ZFHX3: variants seen among roughly 807,000 people sequenced by gnomAD.
ZFHX3 encodes the protein zinc finger homeobox protein 3.
A neutral mutation model predicts 279.1 loss-of-function variants in ZFHX3; 42 were observed. The observed-to-expected ratio is 0.15, with a 90% CI of 0.12 to 0.19. The LOEUF (loss-of-function observed/expected upper bound fraction) is 0.19. ZFHX3 is among the 10% of genes least tolerant of loss of function. The pLI is 1.00. For synonymous variants in ZFHX3, 2,293 were observed against 1,957.8 expected, an observed-to-expected ratio of 1.17 and a Z score of -4.52; for missense variants, 4,981 against 4,754.0, an observed-to-expected ratio of 1.05 and a Z score of -1.40.
chr16:73,631,066 C>G (rs907352593), intron 2 of ZFHX3, among the ~76,000 whole-genome samples: 1 of 152,138 alleles, frequency 6.6e-6, no homozygotes, highest in Non-Finnish European at 1.5e-5. Flanking sequence ...TAAGAAACCA[C>G]AGGCCTGATT....
Position 73,315,926 on chromosome 16 carries a change from C to A in ZFHX3, c.-1194+2314G>T, listed in dbSNP as rs115963114. On this transcript the variant is annotated intron_variant, in intron 4 of 17. Coordinates refer to the ZFHX3 transcript ENST00000641206. ...TGCTACTAAAGTAGGCAATGCTCAG[C>A]CTGAAAGTCAAGGATACACAAGACG... Among the ~76,000 whole-genome samples the A allele has an allele frequency of 3.7e-3, 557 of 152,288 alleles. 1 individual carries two copies. The highest frequency in any genetic ancestry group is 0.013 in the African/African-American group (524 of 41,562).
intron 4 of ZFHX3, among the ~76,000 whole-genome samples, chr16:72,875,300 TG>T (rs972397609): frequency 3.3e-5 from 5 of 152,224 alleles, no homozygotes; most frequent in Non-Finnish European, 7.3e-5. Context: ...GGGCAGAAAC[TG>T]GGCTCTGGAT....
At chr16:73,202,440 T>C (rs1430695887) in intron 5 of ZFHX3, among the ~76,000 whole-genome samples, 1 of 152,224 alleles carries the variant, frequency 6.6e-6, no homozygotes, top group Non-Finnish European at 1.5e-5. Context: ...TCAAAGAGTT[T>C]CTGTACTAAG....
chr16:72,873,927 G>A (rs528177463), intron 4 of ZFHX3, among the ~76,000 whole-genome samples: 4 of 152,174 alleles, frequency 2.6e-5, no homozygotes, highest in African/African-American at 7.2e-5. Flanking sequence ...TTTAAAAGGC[G>A]TATGGCTGAT....
At chr16:73,685,526 T>C (rs953984598) in intron 1 of ZFHX3, among the ~76,000 whole-genome samples, 1 of 152,202 alleles carries the variant, frequency 6.6e-6, no homozygotes, top group African/African-American at 2.4e-5. Context: ...CCAACCTCTT[T>C]ATTGTAGCCC....
intron 2 of ZFHX3, among the ~76,000 whole-genome samples, chr16:73,478,264 C>CA (rs1162656010): frequency 0.17 from 10,347 of 61,050 alleles, 884 homozygotes; most frequent in African/African-American, 0.25. Context: ...GACTCCATCT[C>CA]AAAAAAAAAA....
chr16:73,796,727 G>C (rs1448049663), intron 1 of ZFHX3, among the ~76,000 whole-genome samples: 1 of 152,190 alleles, frequency 6.6e-6, no homozygotes, highest in Admixed American at 6.5e-5. Flanking sequence ...TCCAGATAAT[G>C]CATGCTTCGG....
chr16:72,828,788 G>A (rs747951128), intron 5 of ZFHX3, among the ~76,000 whole-genome samples: 10 of 151,482 alleles, frequency 6.6e-5, no homozygotes, highest in Non-Finnish European at 1.3e-4. Flanking sequence ...CTGCAGCTTC[G>A]ACCTCCCTGG....
intron 4 of ZFHX3, among the ~76,000 whole-genome samples, chr16:73,287,234 G>T (rs1450065759): frequency 1.3e-5 from 2 of 148,888 alleles, no homozygotes; most frequent in African/African-American, 5.0e-5. Flanking sequence ...TGGCTGTGTG[G>T]GTCAGTGTAT....
intron 4 of ZFHX3, among the ~76,000 whole-genome samples, chr16:73,289,866 A>T (rs985313886): frequency 6.6e-6 from 1 of 152,126 alleles, no homozygotes; most frequent in Non-Finnish European, 1.5e-5. Context: ...GTTGGGTGGG[A>T]TGTCCACACC....
intron 3 of ZFHX3, among the ~76,000 whole-genome samples, chr16:73,439,058 A>T (rs78515121): frequency 3.3e-5 from 5 of 152,166 alleles, no homozygotes; most frequent in Admixed American, 2.6e-4. Flanking sequence ...ACAGGATACA[A>T]CCTGGGGGGT....
intron 2 of ZFHX3, among the ~76,000 whole-genome samples, chr16:73,579,992 A>G (rs2051843043): frequency 6.8e-6 from 1 of 148,070 alleles, no homozygotes; most frequent in Admixed American, 6.8e-5. Flanking sequence ...ATACACATAT[A>G]TATTTTAAAT....
intron 1 of ZFHX3, among the ~76,000 whole-genome samples, chr16:73,786,161 G>A (rs997451833): frequency 2.6e-5 from 4 of 152,028 alleles, no homozygotes; most frequent in Non-Finnish European, 5.9e-5. Flanking sequence ...GTGAGCCACC[G>A]TGCCCAGCCA....
intron 4 of ZFHX3, among the ~76,000 whole-genome samples, chr16:72,856,623 C>T (rs980263025): frequency 1.3e-5 from 2 of 152,026 alleles, no homozygotes; most frequent in African/African-American, 4.8e-5. Flanking sequence ...GGCTTAGATT[C>T]CTAGGGGAGA....
intron 2 of ZFHX3, among the ~76,000 whole-genome samples, chr16:73,517,441 A>T (rs1340879096): frequency 6.6e-6 from 1 of 152,172 alleles, no homozygotes; most frequent in South Asian, 2.1e-4. Flanking sequence ...GACCTTTGCA[A>T]ATCCCATCTA....
At chr16:72,837,633 T>C (rs2037230161) in intron 4 of ZFHX3, among the ~76,000 whole-genome samples, 1 of 140,732 alleles carries the variant, frequency 7.1e-6, no homozygotes, top group African/African-American at 3.2e-5. Flanking sequence ...GCCTAGATAA[T>C]TTTTGTATTT....
intron 1 of ZFHX3, among the ~76,000 whole-genome samples, chr16:73,739,204 G>A (rs2053633042): frequency 6.6e-6 from 1 of 152,174 alleles, no homozygotes; most frequent in Non-Finnish European, 1.5e-5. Flanking sequence ...TCCTGACTAG[G>A]CTCTGACAGA....
At chr16:73,655,802 C>T (rs548808606) in intron 2 of ZFHX3, among the ~76,000 whole-genome samples, 1 of 152,302 alleles carries the variant, frequency 6.6e-6, no homozygotes, top group African/African-American at 2.4e-5. Flanking sequence ...AACCATTTGA[C>T]ATTTAATAGT....
At chr16:73,404,701 T>G (rs374309477) in intron 3 of ZFHX3, among the ~76,000 whole-genome samples, 16 of 152,328 alleles carry the variant, frequency 1.1e-4, no homozygotes, top group African/African-American at 3.8e-4. Flanking sequence ...TATCCCCGTT[T>G]TACGCATAAG....
Sources: allele counts gnomAD v4.1 joint callset (sites outside exome capture counted in the v4.1 genomes callset), GRCh38; gene constraint gnomAD v4.1.1; transcripts MANE v1.5; gene names NCBI Gene and HGNC (gene_info 2026-07-23, HGNC 2026-07-21).